The following VSNL1 variants were observed in gnomAD, a reference collection of about 807,000 sequenced individuals.
VSNL1 encodes visinin like 1, also known as visinin-like protein 1.
VSNL1 carries 6 observed loss-of-function variants against 20.4 expected under a neutral mutation model. The observed-to-expected ratio is 0.29, with a 90% CI of 0.16 to 0.58. The LOEUF is 0.58. Ranked by LOEUF, VSNL1 falls within the 20% of genes least tolerant of loss-of-function variation. The probability of loss-of-function intolerance (pLI) is 0.90; values close to 1 mark genes in which losing one functional copy is unlikely to be tolerated. For synonymous variants in VSNL1, 93 were observed against 86.4 expected, an observed-to-expected ratio of 1.08 and a Z score of -0.42; for missense variants, 100 against 234.5, an observed-to-expected ratio of 0.43 and a Z score of 3.75.
intron 1 of VSNL1, among the ~76,000 whole-genome samples, chr2:17,544,393 CAGAT>C: frequency 6.6e-6 from 1 of 152,062 alleles, no homozygotes; most frequent in East Asian, 1.9e-4. Context: ...TTCTGAACAC[CAGAT>C]AGATAGCCTT....
intron 1 of VSNL1, among the ~76,000 whole-genome samples, chr2:17,548,429 A>G (rs749246599): frequency 2.6e-5 from 4 of 152,144 alleles, no homozygotes; most frequent in East Asian, 1.9e-4. Flanking sequence ...GTTTCTTTGT[A>G]TAATAGGACA....
intron 2 of VSNL1, among the ~76,000 whole-genome samples, chr2:17,599,516 CAA>C (rs763240135): frequency 3.7e-4 from 56 of 152,328 alleles, no homozygotes; most frequent in South Asian, 1.2e-3. Context: ...CTGAGATCAA[CAA>C]CCTGAAAACA....
At chr2:17,543,178 A>G (rs1663329543) in intron 1 of VSNL1, among the ~76,000 whole-genome samples, 1 of 151,906 alleles carries the variant, frequency 6.6e-6, no homozygotes, top group Non-Finnish European at 1.5e-5. Flanking sequence ...CCTCACCTCT[A>G]ATATCCCCAC....
At chr2:17,653,754 C>T (rs972554260) in intron 3 of VSNL1, among the ~76,000 whole-genome samples, 12 of 152,148 alleles carry the variant, frequency 7.9e-5, no homozygotes, top group Admixed American at 6.5e-4. Flanking sequence ...ACTTACAGAC[C>T]ATAAATTCAC....
chr2:17,542,685 A>G (rs1663313035), intron 1 of VSNL1, among the ~76,000 whole-genome samples: 1 of 152,270 alleles, frequency 6.6e-6, no homozygotes, highest in African/African-American at 2.4e-5. Flanking sequence ...CCCTGTCATC[A>G]TTGAGCATTG....
chr2:17,576,634 A>G (rs1199354917), intron 1 of VSNL1, among the ~76,000 whole-genome samples: 1 of 152,212 alleles, frequency 6.6e-6, no homozygotes, highest in Non-Finnish European at 1.5e-5. Context: ...TAATACTTAA[A>G]AGACACGTAT....
At chr2:17,622,596 G>GAAAGAAAGAAAGAAAGA (rs1558303731) in intron 2 of VSNL1, among the ~76,000 whole-genome samples, 1 of 128,764 alleles carries the variant, frequency 7.8e-6, no homozygotes, top group East Asian at 2.2e-4. Flanking sequence ...AAGAAAGAAA[G>GAAAGAAAGAAAGAAAGA]AAAGAAAAGA....
At chr2:17,595,056 C>G (rs767599611) in intron 2 of VSNL1, among the ~76,000 whole-genome samples, 2 of 152,214 alleles carry the variant, frequency 1.3e-5, no homozygotes, top group Non-Finnish European at 2.9e-5. Flanking sequence ...TTAACACCCT[C>G]CAGCCCATCC....
At position 17,640,648 on chromosome 2, in the gene VSNL1, T is replaced by C. The variant is rs1665862877; in HGVS notation, c.163-8762T>C. ...GAAGCCCCACCTTCTTAGGCAATGA[T>C]CCTGAACTTGTTCATTTCTGACAAA... On this transcript the variant is annotated intron_variant, in intron 2 of 3. Coordinates refer to ENST00000295156, the MANE Select transcript of VSNL1 (RefSeq NM_003385.5). Among the ~76,000 whole-genome samples, 3 of 152,246 alleles carry C rather than the reference T, an allele frequency of 2.0e-5. No individual in the cohort carries two copies. The South Asian group carries it at 6.2e-4, about 32-fold the overall frequency.
At position 17,655,131 on chromosome 2, in the gene VSNL1, G is replaced by A; in HGVS notation, c.379-66G>A. 1 of 1,541,270 alleles carries A rather than the reference G, an allele frequency of 6.5e-7. No individual in the cohort carries two copies. Among genetic ancestry groups the A allele is most frequent in the African/African-American group, 1.4e-5 (1 of 73,536 alleles). ...GTGGGATCCCGTCAGGTGAAAGGGAGGCAAGAAGAGCTCTCTGTCCTCCTG... is the reference window on the plus strand; with the variant it reads ...GTGGGATCCCGTCAGGTGAAAGGGAAGCAAGAAGAGCTCTCTGTCCTCCTG... On this transcript the variant is annotated intron_variant, in intron 3 of 3. Transcript: ENST00000295156. This position sits in a 1 kb window ranked among gnomAD's most constrained non-coding sequence, Gnocchi z 5.2.
At chr2:17,651,758 C>G (rs1380126037) in intron 3 of VSNL1, among the ~76,000 whole-genome samples, 1 of 152,204 alleles carries the variant, frequency 6.6e-6, no homozygotes, top group Non-Finnish European at 1.5e-5. Context: ...TTCCTTTCTT[C>G]TATTCAGAGC....
chr2:17,589,055 A>G (rs1664539083), intron 1 of VSNL1, among the ~76,000 whole-genome samples: 1 of 152,188 alleles, frequency 6.6e-6, no homozygotes, highest in Non-Finnish European at 1.5e-5. Flanking sequence ...TACCTAAGAG[A>G]ATGGGTGCCT....
chr2:17,640,020 C>A (rs972145548), intron 2 of VSNL1, among the ~76,000 whole-genome samples: 1 of 152,072 alleles, frequency 6.6e-6, no homozygotes, highest in Non-Finnish European at 1.5e-5. Flanking sequence ...GAGGCCAAGG[C>A]GGGAAGATCA....
At chr2:17,559,505 T>C (rs1663764566) in intron 1 of VSNL1, among the ~76,000 whole-genome samples, 1 of 152,130 alleles carries the variant, frequency 6.6e-6, no homozygotes, top group Admixed American at 6.5e-5. Flanking sequence ...CATACAACCT[T>C]GGTATTCTTG....
chr2:17,561,857 C>G (rs1663823690), intron 1 of VSNL1, among the ~76,000 whole-genome samples: 1 of 152,124 alleles, frequency 6.6e-6, no homozygotes, highest in South Asian at 2.1e-4. Context: ...AGAATCCACA[C>G]CAAGTATCTA....
At chr2:17,581,480 C>T (rs1664347322) in intron 1 of VSNL1, among the ~76,000 whole-genome samples, 1 of 152,140 alleles carries the variant, frequency 6.6e-6, no homozygotes, top group Non-Finnish European at 1.5e-5. Flanking sequence ...TAGCCAGTTT[C>T]CTGTGATGGA....
chr2:17,540,705 CAG>C lies in VSNL1; in HGVS notation c.-215_-214del, dbSNP rs376349611. On this transcript the variant is annotated 5_prime_UTR_variant, in exon 1 of 4. Coordinates refer to ENST00000295156, the MANE Select transcript of VSNL1 (RefSeq NM_003385.5). Reference sequence around the variant, plus strand: ...TTTCTATGGGATTCCCAATCTGCAGCAGAGATTTACCCGAGCGTGTTGCGGCA... The same window carrying C: ...TTTCTATGGGATTCCCAATCTGCAGCAGATTTACCCGAGCGTGTTGCGGCA... 4 of 152,670 alleles carry C rather than the reference CAG, an allele frequency of 2.6e-5. No individual in the cohort carries two copies. The highest frequency in any genetic ancestry group is 4.8e-5 in the African/African-American group (2 of 41,454). 9.5% of individuals were successfully genotyped at this position (152,670 alleles called of 1,614,324 possible). A position where few individuals can be genotyped will look rare whatever the true frequency, so the allele number is the denominator to read the frequency against.
rs1478590161 is a variant in VSNL1 at position 17,540,703 on chromosome 2, A to C, written c.-221A>C. ...GTTTTCTATGGGATTCCCAATCTGC[A>C]GCAGAGATTTACCCGAGCGTGTTGC... On this transcript the variant is annotated 5_prime_UTR_variant, in exon 1 of 4. Transcript: ENST00000295156. 2.0e-5 allele frequency: 3 copies of C among 152,696 alleles called. No homozygotes were observed. Among genetic ancestry groups the C allele is most frequent in the African/African-American group, 4.8e-5 (2 of 41,466 alleles). The allele number at this position is 152,696 out of a possible 1,614,324, so 9.5% of individuals were successfully genotyped here. A position where few individuals can be genotyped will look rare whatever the true frequency, so the allele number is the denominator to read the frequency against.
intron 2 of VSNL1, among the ~76,000 whole-genome samples, chr2:17,632,795 T>C (rs941139650): frequency 6.6e-6 from 1 of 152,214 alleles, no homozygotes; most frequent in African/African-American, 2.4e-5. Context: ...AAATCACCCT[T>C]TGGAGAAGAA....
Sources: gnomAD v4.1 joint callset for allele counts (sites outside exome capture counted in the v4.1 genomes callset) on GRCh38, gnomAD v4.1.1 for gene constraint, Gnocchi (gnomAD v3.1) non-coding constraint, MANE v1.5 for transcripts, NCBI Gene and HGNC (gene_info 2026-07-23, HGNC 2026-07-21) for gene names.